CSMD2: variants seen among roughly 807,000 people sequenced by gnomAD.
CSMD2 encodes the protein CUB and sushi domain-containing protein 2.
CSMD2 carries 130 observed loss-of-function variants against 398.5 expected under a neutral mutation model. That is an observed-to-expected ratio of 0.33 (90% confidence interval 0.28 to 0.38). The LOEUF is 0.38. Ranked by LOEUF, CSMD2 falls within the 10% of genes least tolerant of loss-of-function variation. The probability of loss-of-function intolerance (pLI) is 1.00; values close to 1 mark genes in which losing one functional copy is unlikely to be tolerated. For synonymous variants in CSMD2, 1,828 were observed against 1,908.5 expected (o/e 0.96, Z 1.10); for missense variants, 3,829 against 4,764.9 (o/e 0.80, Z 5.78).
At chr1:33,955,281 A>C (rs1645129936) in intron 3 of CSMD2, among the ~76,000 whole-genome samples, 1 of 152,116 alleles carries the variant, frequency 6.6e-6, no homozygotes, top group South Asian at 2.1e-4. Context: ...GCGGGGTGGG[A>C]GTGTGCCGAG....
intron 24 of CSMD2, among the ~76,000 whole-genome samples, chr1:33,698,463 AC>A (rs1289041219): frequency 2.0e-5 from 3 of 152,026 alleles, no homozygotes; most frequent in Non-Finnish European, 4.4e-5. Flanking sequence ...CATCGCTATC[AC>A]CCGCGTTACA....
At chr1:33,558,523 C>T (rs144204730) in intron 54 of CSMD2, among the ~76,000 whole-genome samples, 59 of 152,278 alleles carry the variant, frequency 3.9e-4, no homozygotes, top group African/African-American at 1.2e-3. Context: ...ACTTTTCTTT[C>T]CAAACATCTT....
intron 22 of CSMD2, among the ~76,000 whole-genome samples, chr1:33,704,544 C>T (rs1364433650): frequency 6.6e-6 from 1 of 152,180 alleles, no homozygotes; most frequent in African/African-American, 2.4e-5. Context: ...TGAACTTAAT[C>T]ACATGATGTT....
intron 25 of CSMD2, among the ~76,000 whole-genome samples, chr1:33,684,063 G>A (rs1014899648): frequency 6.6e-6 from 1 of 152,304 alleles, no homozygotes; most frequent in Non-Finnish European, 1.5e-5. Context: ...TGGCTGGAGG[G>A]AGGCAACACT....
At chr1:33,819,975 T>A in intron 8 of CSMD2, 138 bp from the exon 9 acceptor site, 1 of 1,088,080 alleles carries the variant, frequency 9.2e-7, no homozygotes, top group Non-Finnish European at 1.3e-6. Context: ...GTTTTATCAC[T>A]AAAAATCTCC....
At chr1:33,676,331 C>A (rs1644710228) in intron 25 of CSMD2, among the ~76,000 whole-genome samples, 1 of 152,004 alleles carries the variant, frequency 6.6e-6, no homozygotes, top group South Asian at 2.1e-4. Flanking sequence ...AAACAGAGAG[C>A]CAAATCATGA....
intron 6 of CSMD2, among the ~76,000 whole-genome samples, chr1:33,826,120 C>T (rs1658783146): frequency 6.6e-6 from 1 of 152,160 alleles, no homozygotes; most frequent in African/African-American, 2.4e-5. Context: ...TTTTCATGAG[C>T]GTCGACGTGT....
At chr1:33,523,000 T>C (rs987978505) in intron 67 of CSMD2, among the ~76,000 whole-genome samples, 1 of 152,334 alleles carries the variant, frequency 6.6e-6, no homozygotes, top group East Asian at 1.9e-4. Context: ...CATTAATACC[T>C]TCAACTAGCC....
intron 25 of CSMD2, among the ~76,000 whole-genome samples, chr1:33,663,477 G>C (rs976819294): frequency 6.6e-6 from 1 of 151,776 alleles, no homozygotes; most frequent in African/African-American, 2.4e-5. Flanking sequence ...ATCTGGCTTG[G>C]ACAAAGGATA....
At chr1:33,926,419 G>C (rs1329180950) in intron 4 of CSMD2, among the ~76,000 whole-genome samples, 2 of 152,110 alleles carry the variant, frequency 1.3e-5, no homozygotes, top group African/African-American at 4.8e-5. Context: ...ACTTGTGCTA[G>C]AACTGAGGAC....
At chr1:34,003,996 C>T (rs1646980573) in intron 3 of CSMD2, among the ~76,000 whole-genome samples, 1 of 152,210 alleles carries the variant, frequency 6.6e-6, no homozygotes, top group East Asian at 1.9e-4. Context: ...CAATGCCTAC[C>T]TGCCCTCTAG....
chr1:33,860,614 T>C (rs914494177), intron 5 of CSMD2: 5 of 152,220 alleles, frequency 3.3e-5, no homozygotes, highest in Non-Finnish European at 7.3e-5. Flanking sequence ...TCATTTCAAT[T>C]TGTTTAATCC....
At chr1:33,706,905 G>A (rs1254387116) in intron 22 of CSMD2, among the ~76,000 whole-genome samples, 3 of 152,000 alleles carry the variant, frequency 2.0e-5, no homozygotes, top group Admixed American at 6.6e-5. Context: ...GTGTGTGCAC[G>A]TATGTGTGTG....
rs1234105898 is a variant in CSMD2 at position 33,601,015 on chromosome 1, A to G, written c.6711-5T>C. 1.2e-6 allele frequency: 2 copies of G among 1,613,984 alleles called. No homozygotes were observed. Among genetic ancestry groups the G allele is most frequent in the Non-Finnish European group, 1.7e-6 (2 of 1,180,026 alleles). On this transcript the variant is annotated splice_polypyrimidine_tract_variant and splice_region_variant and intron_variant, in intron 43 of 70. Transcript: ENST00000373381. ...GCTGTTTGCTGTGGCCCATCCCTGT[A>G]CACAGGAAACAAGGTCCTGGCATGT...
At chr1:34,012,055 G>C (rs138223282) in intron 3 of CSMD2, among the ~76,000 whole-genome samples, 2 of 152,278 alleles carry the variant, frequency 1.3e-5, no homozygotes, top group East Asian at 3.9e-4. Context: ...GAAAAACTGG[G>C]AATTTGGGCT....
chr1:33,721,513 C>T (rs955786182), intron 19 of CSMD2, among the ~76,000 whole-genome samples: 1 of 152,198 alleles, frequency 6.6e-6, no homozygotes, highest in Non-Finnish European at 1.5e-5. Flanking sequence ...GGGGTTGTTT[C>T]TCTAGGGATC....
Position 33,707,743 on chromosome 1 carries a change from A to C in CSMD2, c.3576+1346T>G, listed in dbSNP as rs943842095. On this transcript the variant is annotated intron_variant, in intron 22 of 70. Coordinates refer to ENST00000373381, the MANE Select transcript of CSMD2 (RefSeq NM_001281956.2). ...CACACACACACACACACACACACAC[A>C]CCATACACCCCAGAGGACATATGCC... Among the ~76,000 whole-genome samples the C allele has an allele frequency of 7.6e-5, 11 of 144,562 alleles. No homozygotes were observed. In the East Asian group the frequency reaches 8.3e-4, roughly 11 times the overall value. 94.8% of individuals were successfully genotyped at this position (144,562 alleles called of 152,430 possible).
At chr1:33,629,565 A>C (rs1642341531) in intron 32 of CSMD2, among the ~76,000 whole-genome samples, 1 of 152,220 alleles carries the variant, frequency 6.6e-6, no homozygotes, top group Non-Finnish European at 1.5e-5. Context: ...TCATTGATAC[A>C]TCAAATAGAA....
chr1:34,086,170 A>G (rs1008007540), intron 2 of CSMD2, among the ~76,000 whole-genome samples: 19 of 152,226 alleles, frequency 1.2e-4, no homozygotes, highest in African/African-American at 1.9e-4. Flanking sequence ...CCATACCTCA[A>G]TCAGTGCCCC....
Sources: gnomAD v4.1 joint callset for allele counts (sites outside exome capture counted in the v4.1 genomes callset) on GRCh38, gnomAD v4.1.1 for gene constraint, MANE v1.5 for transcripts, NCBI Gene and HGNC (gene_info 2026-07-23, HGNC 2026-07-21) for gene names.